The following VWA3B variants were observed in gnomAD, a reference collection of about 807,000 sequenced individuals.
VWA3B encodes the protein von Willebrand factor A domain containing 3B, also known as von Willebrand factor A domain-containing protein 3B.
Under a neutral mutation model 158.3 loss-of-function variants are expected in VWA3B, and 138 were observed. That is an observed-to-expected ratio of 0.87 (90% CI 0.76 to 1.00). VWA3B has a LOEUF of 1.00. Among genes scored for constraint, VWA3B ranks in the 50% least tolerant of loss-of-function variants. The pLI is 0.00. For missense variants in VWA3B, 1,555 were observed against 1,565.1 expected (o/e 0.99, Z 0.11); for synonymous variants, 596 against 587.3 (o/e 1.01, Z -0.21).
intron 19 of VWA3B, among the ~76,000 whole-genome samples, chr2:98,244,759 A>C (rs981602193): frequency 1.3e-5 from 2 of 152,200 alleles, no homozygotes; most frequent in Non-Finnish European, 2.9e-5. Flanking sequence ...ACATTTGTCT[A>C]TAAAGGAATT....
rs552504909 is a variant in VWA3B at position 98,254,304 on chromosome 2, C to G, written c.2793-1820C>G. 4.6e-5 allele frequency among the ~76,000 whole-genome samples: 7 copies of G among 152,244 alleles called. No individual in the cohort carries two copies. The East Asian group carries it at 1.3e-3, about 29-fold the overall frequency. ...AAAGTGAGGACACCAAGGTTTGAAC[C>G]CAGAGCCCTTACCACACTCCCAGCC... On this transcript the variant is annotated intron_variant, in intron 20 of 27. Coordinates refer to ENST00000477737, the MANE Select transcript of VWA3B (RefSeq NM_144992.5).
intron 19 of VWA3B, among the ~76,000 whole-genome samples, chr2:98,242,945 T>C (rs78139151): frequency 0.029 from 4,382 of 151,794 alleles, 95 homozygotes; most frequent in Non-Finnish European, 0.043. Context: ...TAATTAAAAA[T>C]TTAAAACAGT....
intron 19 of VWA3B, among the ~76,000 whole-genome samples, chr2:98,246,452 A>T (rs1012500330): frequency 6.6e-6 from 1 of 152,056 alleles, no homozygotes; most frequent in African/African-American, 2.4e-5. Context: ...ATCTCGGCTC[A>T]CTGCAACCTC....
At chr2:98,154,298 C>T (rs1022155661) in intron 7 of VWA3B, among the ~76,000 whole-genome samples, 7 of 152,212 alleles carry the variant, frequency 4.6e-5, no homozygotes, top group Non-Finnish European at 7.3e-5. Context: ...GGTTCCCAGT[C>T]GGCGGGGAGC....
At chr2:98,195,294 G>T (rs1399198370) in intron 12 of VWA3B, among the ~76,000 whole-genome samples, 1 of 152,102 alleles carries the variant, frequency 6.6e-6, no homozygotes, top group Non-Finnish European at 1.5e-5. Context: ...TTCTTAAAAA[G>T]GCAAATATGT....
chr2:98,218,720 G>T (rs1051991427), intron 14 of VWA3B, among the ~76,000 whole-genome samples: 9 of 152,178 alleles, frequency 5.9e-5, no homozygotes, highest in African/African-American at 2.2e-4. Flanking sequence ...ATGTTCTGAG[G>T]AGTGACTTTA....
intron 12 of VWA3B, among the ~76,000 whole-genome samples, chr2:98,209,101 C>G (rs1226293886): frequency 6.6e-6 from 1 of 152,010 alleles, no homozygotes; most frequent in African/African-American, 2.4e-5. Context: ...AATTGGTGCT[C>G]TTTTATAGGT....
At chr2:98,129,312 T>TTG (rs917650512) in intron 6 of VWA3B, among the ~76,000 whole-genome samples, 2 of 121,666 alleles carry the variant, frequency 1.6e-5, no homozygotes, top group South Asian at 2.7e-4. Context: ...GAGAGAGACA[T>TTG]TGTGTGTGTG....
chr2:98,167,762 T>G (rs1332006066), intron 8 of VWA3B, among the ~76,000 whole-genome samples: 1 of 152,158 alleles, frequency 6.6e-6, no homozygotes, highest in Non-Finnish European at 1.5e-5. Flanking sequence ...TGGAAAGAAT[T>G]AGAAGAAACG....
chr2:98,294,203 C>CAAAAAA (rs751689571), intron 23 of VWA3B, among the ~76,000 whole-genome samples: 46 of 56,252 alleles, frequency 8.2e-4, no homozygotes, highest in Middle Eastern at 0.015. Flanking sequence ...CACACACACA[C>CAAAAAA]AAAAAAAAAA....
chr2:98,255,481 A>G (rs2105821514), intron 20 of VWA3B, among the ~76,000 whole-genome samples: 1 of 152,168 alleles, frequency 6.6e-6, no homozygotes, highest in South Asian at 2.1e-4. Context: ...AACACTGATT[A>G]GTAGCCAAAA....
chr2:98,212,118 A>G (rs1683579299), intron 13 of VWA3B, 90 bp downstream of exon 13: 1 of 1,119,676 alleles, frequency 8.9e-7, no homozygotes, highest in Non-Finnish European at 1.3e-6. Flanking sequence ...TTCAGCTGCC[A>G]CCAAAAATCT....
chr2:98,118,797 G>T (rs192775163), intron 3 of VWA3B, among the ~76,000 whole-genome samples: 2 of 152,192 alleles, frequency 1.3e-5, no homozygotes. Context: ...ACAGAATAGG[G>T]CACAATTTTT....
intron 20 of VWA3B, among the ~76,000 whole-genome samples, chr2:98,254,649 G>A (rs1390609148): frequency 6.6e-6 from 1 of 152,188 alleles, no homozygotes; most frequent in East Asian, 1.9e-4. Flanking sequence ...TTTATGTGCT[G>A]TGTACACACT....
chr2:98,278,424 G>A (rs1391608974), intron 22 of VWA3B, among the ~76,000 whole-genome samples: 1 of 152,200 alleles, frequency 6.6e-6, no homozygotes, highest in East Asian at 1.9e-4. Flanking sequence ...ACTCCTTGGT[G>A]TGACAGCCCG....
At chr2:98,298,143 C>A in intron 24 of VWA3B, 112 bp downstream of exon 24, 2 of 1,288,366 alleles carry the variant, frequency 1.6e-6, no homozygotes, top group Non-Finnish European at 2.0e-6. Context: ...CGGGCTCCTG[C>A]AGGGAGGGTG....
chr2:98,131,603 C>T (rs1446435693), intron 6 of VWA3B, among the ~76,000 whole-genome samples: 1 of 152,212 alleles, frequency 6.6e-6, no homozygotes, highest in African/African-American at 2.4e-5. Context: ...GCCTCCTCAG[C>T]AGCATCTGTC....
At chr2:98,171,488 A>G (rs12712221) in intron 8 of VWA3B, among the ~76,000 whole-genome samples, 92,227 of 151,782 alleles carry the variant, frequency 0.61, 28,436 homozygotes, top group South Asian at 0.74. Context: ...AAAGGAGAAC[A>G]GCACTTTAGA....
At chr2:98,143,197 G>T (rs988684037) in intron 7 of VWA3B, among the ~76,000 whole-genome samples, 1 of 151,930 alleles carries the variant, frequency 6.6e-6, no homozygotes, top group East Asian at 1.9e-4. Context: ...CTGCCATCAC[G>T]CCAGGCTAAC....
Sources: allele counts gnomAD v4.1 joint callset (sites outside exome capture counted in the v4.1 genomes callset), GRCh38; gene constraint gnomAD v4.1.1; transcripts MANE v1.5; gene names NCBI Gene and HGNC (gene_info 2026-07-23, HGNC 2026-07-21).